The following IPCEF1 variants were observed in gnomAD, a reference collection of about 807,000 sequenced individuals.
IPCEF1 encodes the protein interaction protein for cytohesin exchange factors 1.
Under a neutral mutation model 50.9 loss-of-function variants are expected in IPCEF1, and 31 were observed. The observed-to-expected ratio is 0.61, with a 90% confidence interval of 0.46 to 0.82. The LOEUF is 0.82. Among genes scored for constraint, IPCEF1 ranks in the 40% least tolerant of loss-of-function variants. The pLI, the probability that IPCEF1 is intolerant of heterozygous loss-of-function variation, is 0.00. For missense variants in IPCEF1, 458 were observed against 514.0 expected (o/e 0.89, Z 1.05); for synonymous variants, 181 against 192.0 (o/e 0.94, Z 0.47).
intron 1 of IPCEF1, among the ~76,000 whole-genome samples, chr6:154,322,831 T>C (rs1269817298): frequency 6.6e-6 from 1 of 151,490 alleles, no homozygotes; most frequent in Non-Finnish European, 1.5e-5. Context: ...AATGAGACTT[T>C]GTCTCAAAAA....
intron 7 of IPCEF1, among the ~76,000 whole-genome samples, chr6:154,217,816 AT>A (rs1424936346): frequency 1.3e-5 from 2 of 152,196 alleles, no homozygotes; most frequent in African/African-American, 2.4e-5. Context: ...TAGGGAAAAT[AT>A]TTTTTTAAAG....
At chr6:154,320,560 T>C (rs558450153) in intron 1 of IPCEF1, among the ~76,000 whole-genome samples, 6 of 152,204 alleles carry the variant, frequency 3.9e-5, no homozygotes, top group Non-Finnish European at 7.3e-5. Flanking sequence ...AGGGTGGTAG[T>C]CAATTTTTAG....
intron 10 of IPCEF1, among the ~76,000 whole-genome samples, chr6:154,184,896 C>G (rs1354645068): frequency 2.0e-5 from 3 of 151,190 alleles, no homozygotes; most frequent in Non-Finnish European, 4.5e-5. Flanking sequence ...CTTGCCTACC[C>G]CTTTCAGATA....
At chr6:154,325,199 A>C (rs1783489348) in intron 1 of IPCEF1, among the ~76,000 whole-genome samples, 1 of 152,224 alleles carries the variant, frequency 6.6e-6, no homozygotes, top group Non-Finnish European at 1.5e-5. Flanking sequence ...CATATTCATA[A>C]GATGGCTATT....
rs376603471 is a variant in IPCEF1, at chr6:154,273,530, A to C, written c.-17-7566T>G. Among the ~76,000 whole-genome samples the C allele has an allele frequency of 6.6e-5, 10 of 152,172 alleles. No individual in the cohort carries two copies. The East Asian group carries it at 1.7e-3, about 26-fold the overall frequency. On this transcript the variant is annotated intron_variant, in intron 2 of 11. Coordinates refer to ENST00000367220, the MANE Select transcript of IPCEF1 (RefSeq NM_001130700.2). ...TCCATTCGTTTTGCCAATTAGTAGG[A>C]GATTTCACCTGTCAAGGCAAAGCAG...
intron 1 of IPCEF1, among the ~76,000 whole-genome samples, chr6:154,342,632 G>C (rs1195786958): frequency 1.3e-5 from 2 of 152,064 alleles, no homozygotes; most frequent in Non-Finnish European, 2.9e-5. Flanking sequence ...GAGGGGCTGA[G>C]GAGGGGGAGG....
intron 1 of IPCEF1, among the ~76,000 whole-genome samples, chr6:154,354,415 A>ACCTCCACCACCACCTCCACCAGCT (rs1784170541): frequency 2.1e-5 from 1 of 46,706 alleles, no homozygotes; most frequent in South Asian, 7.4e-4. Flanking sequence ...CTCCACCACC[A>ACCTCCACCACCACCTCCACCAGCT]CCTCCACCAC....
chr6:154,272,065 T>G (rs1429972901), intron 2 of IPCEF1, among the ~76,000 whole-genome samples: 1 of 152,206 alleles, frequency 6.6e-6, no homozygotes, highest in East Asian at 1.9e-4. Flanking sequence ...TGCCACTTGT[T>G]AAATGAGAAA....
At chr6:154,194,881 T>G (rs1324400415) in intron 10 of IPCEF1, among the ~76,000 whole-genome samples, 1 of 152,200 alleles carries the variant, frequency 6.6e-6, no homozygotes, top group Middle Eastern at 3.4e-3. Flanking sequence ...TGATCATATA[T>G]TCAAGGTTTT....
At chr6:154,195,868 T>G (rs1266543480) in intron 10 of IPCEF1, among the ~76,000 whole-genome samples, 2 of 151,362 alleles carry the variant, frequency 1.3e-5, no homozygotes, top group African/African-American at 4.9e-5. Context: ...CTCGGCTCAC[T>G]GCAACCTCTG....
intron 11 of IPCEF1, 142 bp from the exon 12 acceptor site, chr6:154,160,182 A>G: frequency 1.5e-6 from 1 of 683,386 alleles, no homozygotes; most frequent in Non-Finnish European, 2.5e-6. Flanking sequence ...TAATTCCAGC[A>G]TTAAGCTTAA....
chr6:154,276,076 C>T (rs917969291), intron 2 of IPCEF1, among the ~76,000 whole-genome samples: 5 of 152,016 alleles, frequency 3.3e-5, no homozygotes, highest in East Asian at 1.9e-4. Flanking sequence ...CCCAGCTACC[C>T]GGGAGGCTGA....
At chr6:154,201,541 T>G (rs1211569913) in intron 9 of IPCEF1, among the ~76,000 whole-genome samples, 2 of 152,170 alleles carry the variant, frequency 1.3e-5, no homozygotes, top group Non-Finnish European at 2.9e-5. Flanking sequence ...AGAAGGCATT[T>G]TATGGTTCAG....
At chr6:154,253,904 G>C (rs924207615) in intron 3 of IPCEF1, among the ~76,000 whole-genome samples, 10 of 151,864 alleles carry the variant, frequency 6.6e-5, no homozygotes, top group Admixed American at 2.0e-4. Flanking sequence ...AAAAATTACT[G>C]TTATTTTTTT....
chr6:154,273,785 C>A (rs558035336), intron 2 of IPCEF1, among the ~76,000 whole-genome samples: 1 of 107,490 alleles, frequency 9.3e-6, no homozygotes, highest in East Asian at 2.6e-4. Flanking sequence ...GCAGAGTCTC[C>A]CTCTGTCGCC....
chr6:154,332,077 T>C (rs1482228370), intron 1 of IPCEF1, among the ~76,000 whole-genome samples: 3 of 152,124 alleles, frequency 2.0e-5, no homozygotes, highest in Non-Finnish European at 4.4e-5. Context: ...AATTCTTTCC[T>C]CTGAGGAGGC....
At chr6:154,197,269 A>G (rs1225468836) in intron 10 of IPCEF1, among the ~76,000 whole-genome samples, 1 of 152,158 alleles carries the variant, frequency 6.6e-6, no homozygotes, top group East Asian at 1.9e-4. Flanking sequence ...ACACATAAAC[A>G]CACATGTAAA....
intron 2 of IPCEF1, among the ~76,000 whole-genome samples, chr6:154,284,550 C>T (rs374899439): frequency 1.3e-5 from 2 of 152,110 alleles, no homozygotes; most frequent in East Asian, 1.9e-4. Context: ...TGCCCCACAC[C>T]CTCCTTCTGT....
At chr6:154,269,628 G>C (rs932060981) in intron 2 of IPCEF1, among the ~76,000 whole-genome samples, 1 of 152,108 alleles carries the variant, frequency 6.6e-6, no homozygotes, top group African/African-American at 2.4e-5. Flanking sequence ...GAGCAACCAT[G>C]CCTGGCCAGT....
Sources: gnomAD v4.1 joint callset for allele counts (sites outside exome capture counted in the v4.1 genomes callset) on GRCh38, gnomAD v4.1.1 for gene constraint, MANE v1.5 for transcripts, NCBI Gene and HGNC (gene_info 2026-07-23, HGNC 2026-07-21) for gene names.